The following EPHA6 variants were observed in gnomAD, a reference collection of about 807,000 sequenced individuals.
The protein encoded by EPHA6 is ephrin type-A receptor 6.
In EPHA6, 50 loss-of-function variants were observed where a neutral mutation model predicts 112.0. The observed-to-expected ratio is 0.45, with a 90% CI of 0.36 to 0.56. The LOEUF (loss-of-function observed/expected upper bound fraction) is 0.56, where lower values mean the gene tolerates loss of function less well. EPHA6 is among the 20% of genes least tolerant of loss of function. The pLI, the probability that EPHA6 is intolerant of heterozygous loss-of-function variation, is 0.00. For synonymous variants in EPHA6, 529 were observed against 490.7 expected, an observed-to-expected ratio of 1.08 and a Z score of -1.03; for missense variants, 1,280 against 1,417.4, an observed-to-expected ratio of 0.90 and a Z score of 1.56.
At chr3:97,494,603 A>G (rs367568974) in intron 10 of EPHA6, among the ~76,000 whole-genome samples, 2 of 152,186 alleles carry the variant, frequency 1.3e-5, no homozygotes, top group African/African-American at 4.8e-5. Context: ...AGCATTTATC[A>G]GAACACCACC....
intron 6 of EPHA6, among the ~76,000 whole-genome samples, chr3:97,438,378 T>C (rs962134884): frequency 1.3e-5 from 2 of 152,200 alleles, no homozygotes; most frequent in African/African-American, 2.4e-5. Context: ...AAAACAAGTA[T>C]GCTATACTGA....
intron 2 of EPHA6, among the ~76,000 whole-genome samples, chr3:96,925,824 T>A (rs572547626): frequency 6.6e-6 from 1 of 152,096 alleles, no homozygotes; most frequent in African/African-American, 2.4e-5. Context: ...CAGGTTGGTC[T>A]CAAACTTCCG....
At chr3:97,258,315 T>C (rs577537598) in intron 5 of EPHA6, among the ~76,000 whole-genome samples, 47 of 151,986 alleles carry the variant, frequency 3.1e-4, no homozygotes, top group African/African-American at 1.1e-3. Flanking sequence ...ACAGAGTATC[T>C]GTTATACTCA....
chr3:97,175,364 AG>A (rs1227796928), intron 3 of EPHA6, among the ~76,000 whole-genome samples: 2 of 151,698 alleles, frequency 1.3e-5, no homozygotes, highest in Non-Finnish European at 3.0e-5. Flanking sequence ...TGCTTAGGAT[AG>A]TTTTAGATTT....
chr3:96,967,282 T>C (rs2042156876), intron 2 of EPHA6, among the ~76,000 whole-genome samples: 2 of 149,970 alleles, frequency 1.3e-5, no homozygotes. Context: ...CAACTTAATG[T>C]ATTACATTAT....
intron 5 of EPHA6, among the ~76,000 whole-genome samples, chr3:97,303,157 A>G (rs912464653): frequency 1.3e-5 from 2 of 152,010 alleles, no homozygotes; most frequent in Non-Finnish European, 2.9e-5. Context: ...CAGTTATAAA[A>G]AGATAATTTC....
At chr3:97,424,408 A>G (rs114973761) in intron 6 of EPHA6, among the ~76,000 whole-genome samples, 1 of 152,258 alleles carries the variant, frequency 6.6e-6, no homozygotes, top group African/African-American at 2.4e-5. Context: ...CAGTCCCCCA[A>G]ATCTTAACTC....
chr3:97,192,998 G>C (rs998263133), intron 3 of EPHA6, among the ~76,000 whole-genome samples: 3 of 152,040 alleles, frequency 2.0e-5, no homozygotes, highest in Non-Finnish European at 2.9e-5. Flanking sequence ...ACTGGTCTTC[G>C]TGTCTGTTTT....
At chr3:96,848,058 A>G (rs2035175800) in intron 1 of EPHA6, among the ~76,000 whole-genome samples, 1 of 152,098 alleles carries the variant, frequency 6.6e-6, no homozygotes, top group Non-Finnish European at 1.5e-5. Flanking sequence ...TAAAGTTTCA[A>G]AATCATTTAA....
At chr3:97,085,091 T>C (rs186585590) in intron 3 of EPHA6, among the ~76,000 whole-genome samples, 10 of 152,258 alleles carry the variant, frequency 6.6e-5, no homozygotes, top group African/African-American at 2.4e-4. Context: ...ATATTCTACT[T>C]TGAAATTACA....
chr3:96,958,059 G>A (rs925738581), intron 2 of EPHA6, among the ~76,000 whole-genome samples: 3 of 152,136 alleles, frequency 2.0e-5, no homozygotes, highest in Non-Finnish European at 4.4e-5. Flanking sequence ...TTGAATATTA[G>A]ATTCTTTCTC....
rs1491420279 is a variant in EPHA6 at position 97,214,038 on chromosome 3, T to TGTGTGAGAGA, written c.1115-12225_1115-12224insTGTGAGAGAG. 8.7e-3 allele frequency among the ~76,000 whole-genome samples: 675 copies of TGTGTGAGAGA among 77,794 alleles called. 3 individuals carry two copies. Among genetic ancestry groups the TGTGTGAGAGA allele is most frequent in the Admixed American group, 0.016 (136 of 8,742 alleles). 51.0% of individuals were successfully genotyped at this position (77,794 alleles called of 152,430 possible). On this transcript the variant is annotated intron_variant, in intron 3 of 17. Coordinates refer to ENST00000389672, the MANE Select transcript of EPHA6 (RefSeq NM_001080448.3). Reference sequence around the variant, plus strand: ...GTGTGTGTGTGTGTGTGTGTGTGTGTGAGAGAGAGAGAGAGAGGGAGAGGG... The same window carrying TGTGTGAGAGA: ...GTGTGTGTGTGTGTGTGTGTGTGTGTGTGTGAGAGAGAGAGAGAGAGAGAGAGGGAGAGGG...
At chr3:97,632,370 T>C (rs1203375080) in intron 13 of EPHA6, among the ~76,000 whole-genome samples, 1 of 152,030 alleles carries the variant, frequency 6.6e-6, no homozygotes, top group Non-Finnish European at 1.5e-5. Flanking sequence ...CTCGAGATCA[T>C]GTTCAATCCA....
At chr3:96,815,841 A>G (rs2032733814) in intron 1 of EPHA6, among the ~76,000 whole-genome samples, 1 of 152,182 alleles carries the variant, frequency 6.6e-6, no homozygotes, top group South Asian at 2.1e-4. Flanking sequence ...AAGATCTATA[A>G]AAAGTACCAC....
chr3:97,292,518 C>T (rs1288924424), intron 5 of EPHA6, among the ~76,000 whole-genome samples: 3 of 152,238 alleles, frequency 2.0e-5, no homozygotes, highest in Non-Finnish European at 2.9e-5. Flanking sequence ...TTTCGGCAAG[C>T]AGGTCGTCCT....
At chr3:97,472,297 T>C (rs2091251517) in intron 7 of EPHA6, among the ~76,000 whole-genome samples, 1 of 151,582 alleles carries the variant, frequency 6.6e-6, no homozygotes, top group Admixed American at 6.6e-5. Context: ...TTGGTAGAAA[T>C]CTTTTAAGGG....
intron 5 of EPHA6, among the ~76,000 whole-genome samples, chr3:97,293,447 C>T (rs1166958053): frequency 1.3e-5 from 2 of 152,108 alleles, no homozygotes; most frequent in Non-Finnish European, 2.9e-5. Flanking sequence ...TCCCAGTGAG[C>T]GTCCAGCTCT....
intron 3 of EPHA6, among the ~76,000 whole-genome samples, chr3:97,127,955 C>T (rs2048228809): frequency 6.6e-6 from 1 of 151,800 alleles, no homozygotes; most frequent in African/African-American, 2.4e-5. Flanking sequence ...GATTTTAGTG[C>T]ACCCATCACC....
intron 3 of EPHA6, among the ~76,000 whole-genome samples, chr3:97,056,278 T>G (rs2045849098): frequency 6.6e-6 from 1 of 152,174 alleles, no homozygotes; most frequent in African/African-American, 2.4e-5. Context: ...GCGAACATAC[T>G]TATTCATACT....
Sources: allele counts gnomAD v4.1 joint callset (sites outside exome capture counted in the v4.1 genomes callset), GRCh38; gene constraint gnomAD v4.1.1; transcripts MANE v1.5; gene names NCBI Gene and HGNC (gene_info 2026-07-23, HGNC 2026-07-21).